Variants in FAS observed in about 807,000 individuals in gnomAD.
FAS encodes the protein Fas cell surface death receptor, also known as tumor necrosis factor receptor superfamily member 6.
Under a neutral mutation model 33.2 loss-of-function variants are expected in FAS, and 5 were observed. The ratio of observed to expected loss-of-function variants is 0.15; its 90% confidence interval spans 0.08 to 0.32. FAS has a LOEUF of 0.32. FAS is among the 10% of genes least tolerant of loss of function. The pLI, the probability that FAS is intolerant of heterozygous loss-of-function variation, is 1.00. For synonymous variants in FAS, 131 were observed against 130.7 expected, an observed-to-expected ratio of 1.00 and a Z score of -0.01; for missense variants, 339 against 386.0, an observed-to-expected ratio of 0.88 and a Z score of 1.02.
chr10:88,992,457 T>C (rs1847297657), intron 1 of FAS: 1 of 152,212 alleles, frequency 6.6e-6, no homozygotes, highest in Non-Finnish European at 1.5e-5. Flanking sequence ...GAGCTATGCT[T>C]GTTGAACTTT....
At position 89,014,459 on chromosome 10, in the gene FAS, A is replaced by G; in HGVS notation, c.*9A>G. ...TCCAAAGCTTGGTCTAGAGTGAAAAACAACAAATTCAGTTCTGAGTATATG... is the reference window on the plus strand; with the variant it reads ...TCCAAAGCTTGGTCTAGAGTGAAAAGCAACAAATTCAGTTCTGAGTATATG... On this transcript the variant is annotated 3_prime_UTR_variant, in exon 9 of 9. Transcript: ENST00000652046. 6.2e-7 allele frequency: 1 copy of G among 1,605,148 alleles called. No individual in the cohort carries two copies. Among genetic ancestry groups the G allele is most frequent in the South Asian group, 1.1e-5 (1 of 91,048 alleles).
At chr10:88,986,284 G>A (rs1434337717), upstream of FAS, among the ~76,000 whole-genome samples, 1 of 152,120 alleles carries the variant, frequency 6.6e-6, no homozygotes, top group African/African-American at 2.4e-5. Context: ...TGCTTCTCAT[G>A]TTTGTTTTCA....
At chr10:88,974,911 TACAGATCAGCC>T (rs1400557315) in intron 2 of FAS, 1 of 152,192 alleles carries the variant, frequency 6.6e-6, no homozygotes, top group Non-Finnish European at 1.5e-5. Flanking sequence ...TGTAATACTG[TACAGATCAGCC>T]ACTTGCTGGC....
chr10:89,000,559 A>G (rs1449237268), intron 1 of FAS, among the ~76,000 whole-genome samples: 3 of 152,252 alleles, frequency 2.0e-5, no homozygotes, highest in Admixed American at 6.5e-5. Context: ...AAAAGATAAT[A>G]TGCTGCTGAA....
rs149555712 is a variant in FAS at position 88,981,608 on chromosome 10, G to C, written n.261-7861G>C. ...CCCAATTCAATCCAACAGCTGCTTT[G>C]TTAACAGTACCACAAGCAGTGGGGT... On this transcript the variant is annotated intron_variant and non_coding_transcript_variant, in intron 2 of 3. Coordinates refer to the FAS transcript ENST00000688239. 4.0e-4 allele frequency among the ~76,000 whole-genome samples: 61 copies of C among 152,202 alleles called. 2 individuals carry two copies. In the South Asian group the frequency reaches 6.9e-3, roughly 17 times the overall value.
chr10:88,991,032 C>T, intron 1 of FAS, 126 bp downstream of exon 1: 8 of 1,295,194 alleles, frequency 6.2e-6, no homozygotes, highest in Non-Finnish European at 8.8e-6. Flanking sequence ...CTGGGAGCGG[C>T]GGGCTGCTGC....
At chr10:88,991,525 T>C (rs1434839436) in intron 1 of FAS, 1 of 161,186 alleles carries the variant, frequency 6.2e-6, no homozygotes, top group East Asian at 1.7e-4. Context: ...AAAAGTTATA[T>C]GGGGGCTGAA....
At chr10:88,991,317 C>T (rs1589441171) in intron 1 of FAS, 2 of 356,172 alleles carry the variant, frequency 5.6e-6, no homozygotes, top group Non-Finnish European at 5.3e-6. Flanking sequence ...CTGGACAAGC[C>T]CTGACAAGCC....
intron 8 of FAS, 26 bp downstream of exon 8, chr10:89,013,393 T>G: frequency 6.2e-7 from 1 of 1,609,032 alleles, no homozygotes. Context: ...TTTTATTTCA[T>G]AGAGATGGCA....
chr10:89,007,582 CT>C lies in FAS; in HGVS notation c.197-117del. 3 of 1,345,810 alleles carry C rather than the reference CT, an allele frequency of 2.2e-6. No individual in the cohort carries two copies. The South Asian group carries it at 3.8e-5, about 17-fold the overall frequency. The allele number at this position is 1,345,810 out of a possible 1,614,324, so 83.4% of individuals were successfully genotyped here. On this transcript the variant is annotated intron_variant, in intron 2 of 8. Coordinates refer to ENST00000652046, the MANE Select transcript of FAS (RefSeq NM_000043.6). The stretch of plus-strand genomic sequence containing the variant: ...CCCATTGTATTTATATCTCATTAGC[CT>C]ACCCCCCCTCCCCTTGTGTTTTAGA...
rs1847147682 is a variant in FAS at position 88,990,972 on chromosome 10, C to T, written c.30+66C>T. The T allele has an allele frequency of 5.0e-6, 8 of 1,608,488 alleles. No individual in the cohort carries two copies. In the South Asian group the frequency reaches 6.6e-5, roughly 13 times the overall value. ...AGTCCCGGGGATAGGCAAAGTGGGG[C>T]GGGCGCGGGACGCGTGCGGGATTGC... On this transcript the variant is annotated intron_variant, in intron 1 of 8. Transcript: ENST00000652046. The surrounding 1 kb of genome is among the most constrained non-coding windows in gnomAD (Gnocchi z 4.9).
In FAS at chr10:89,003,209, A is replaced by G. The variant is rs1357618255; in HGVS notation, c.196+15A>G. On this transcript the variant is annotated intron_variant, in intron 2 of 8. Coordinates refer to ENST00000652046, the MANE Select transcript of FAS (RefSeq NM_000043.6). ...CTGTCCTCCAGGTATGTTACACAAA[A>G]CATCCAGAGATTACAGTGAAAGTCA... The G allele has an allele frequency of 3.7e-6, 6 of 1,613,970 alleles. No individual in the cohort carries two copies. In the East Asian group the frequency reaches 1.3e-4, roughly 36 times the overall value.
At chr10:89,011,965 G>T in intron 6 of FAS, 34 bp from the exon 7 acceptor site, 3 of 1,562,184 alleles carry the variant, frequency 1.9e-6, no homozygotes, top group Non-Finnish European at 2.6e-6. Context: ...ACAAGGCTGA[G>T]ACCTGAGTTG....
intron 4 of FAS, among the ~76,000 whole-genome samples, chr10:89,009,318 C>T (rs1209725875): frequency 6.6e-6 from 1 of 152,202 alleles, no homozygotes; most frequent in Admixed American, 6.5e-5. Flanking sequence ...ACTTATGTTC[C>T]AGGTGTTACA....
intron 1 of FAS, among the ~76,000 whole-genome samples, chr10:88,991,777 C>A (rs570896389): frequency 2.6e-4 from 39 of 152,272 alleles, no homozygotes; most frequent in African/African-American, 8.2e-4. Flanking sequence ...CAGAACCCGG[C>A]GCCTATTATT....
At chr10:88,994,680 A>G (rs1847475929) in intron 1 of FAS, among the ~76,000 whole-genome samples, 2 of 152,072 alleles carry the variant, frequency 1.3e-5, no homozygotes, top group South Asian at 4.1e-4. Flanking sequence ...TGAGCTATAT[A>G]TAGTCTGTTT....
intron 1 of FAS, among the ~76,000 whole-genome samples, chr10:88,996,185 G>T (rs937307649): frequency 1.7e-5 from 2 of 115,388 alleles, no homozygotes; most frequent in Non-Finnish European, 3.5e-5. Context: ...CAGAGTATGC[G>T]GGTGAAGACT....
intron 2 of FAS, among the ~76,000 whole-genome samples, chr10:89,005,845 G>A (rs1434692707): frequency 1.3e-5 from 2 of 152,048 alleles, no homozygotes; most frequent in African/African-American, 4.8e-5. Context: ...CACCATGTTG[G>A]TCAGTCTGGT....
intron 7 of FAS, 129 bp downstream of exon 7, chr10:89,012,210 C>A: frequency 1.2e-6 from 1 of 805,004 alleles, no homozygotes; most frequent in South Asian, 1.5e-5. Context: ...TGGAGTCTTG[C>A]TCCATAGCCC....
Sources: gnomAD v4.1 joint callset for allele counts (sites outside exome capture counted in the v4.1 genomes callset) on GRCh38, gnomAD v4.1.1 for gene constraint, Gnocchi (gnomAD v3.1) non-coding constraint, MANE v1.5 for transcripts, NCBI Gene and HGNC (gene_info 2026-07-23, HGNC 2026-07-21) for gene names.